GLB1L2: variants seen among roughly 807,000 people sequenced by gnomAD.
GLB1L2 encodes beta-galactosidase-1-like protein 2.
Under a neutral mutation model 84.1 loss-of-function variants are expected in GLB1L2, and 68 were observed. That is an observed-to-expected ratio of 0.81 (90% CI 0.67 to 0.99). GLB1L2 has a LOEUF of 0.99. GLB1L2 is among the 50% of genes least tolerant of loss of function. The pLI, the probability that GLB1L2 is intolerant of heterozygous loss-of-function variation, is 0.00. For synonymous variants in GLB1L2, 290 were observed against 318.0 expected, an observed-to-expected ratio of 0.91 and a Z score of 0.94; for missense variants, 762 against 805.6, an observed-to-expected ratio of 0.95 and a Z score of 0.66.
intron 7 of GLB1L2, among the ~76,000 whole-genome samples, chr11:134,362,410 T>C (rs111369432): frequency 7.2e-5 from 11 of 152,326 alleles, no homozygotes; most frequent in African/African-American, 2.6e-4. Context: ...GGGGATGCTC[T>C]GGATCAGCCG....
intron 6 of GLB1L2, 93 bp downstream of exon 6, chr11:134,356,486 A>G: frequency 1.2e-6 from 1 of 812,354 alleles, no homozygotes. Context: ...TTTTTCTCAT[A>G]TTAATACATC....
At chr11:134,346,182 C>T (rs530902459) in intron 4 of GLB1L2, among the ~76,000 whole-genome samples, 4 of 152,254 alleles carry the variant, frequency 2.6e-5, no homozygotes, top group Admixed American at 1.3e-4. Context: ...GCCCTTCCCT[C>T]GGGGGCATAG....
intron 5 of GLB1L2, 38 bp downstream of exon 5, chr11:134,347,471 C>A: frequency 1.4e-6 from 2 of 1,409,152 alleles, no homozygotes; most frequent in Non-Finnish European, 2.0e-6. Context: ...CTTGGTCTGT[C>A]TTCCTCTAGG....
At chr11:134,363,316 T>C (rs1198309841) in intron 7 of GLB1L2, among the ~76,000 whole-genome samples, 2 of 152,236 alleles carry the variant, frequency 1.3e-5, no homozygotes, top group African/African-American at 4.8e-5. Flanking sequence ...GCCCCAGCTG[T>C]CGCTTGCGTT....
At chr11:134,360,877 C>G (rs1045289585) in intron 7 of GLB1L2, 4 of 152,226 alleles carry the variant, frequency 2.6e-5, no homozygotes, top group Admixed American at 1.3e-4. Flanking sequence ...GCCTATTGGC[C>G]GGGCAGTGGC....
chr11:134,359,886 T>C (rs994063057), intron 7 of GLB1L2: 2 of 152,368 alleles, frequency 1.3e-5, no homozygotes, highest in African/African-American at 2.4e-5. Context: ...GCTTTGCTCT[T>C]CTTCCAGAGA....
chr11:134,361,642 T>C (rs1237811060), intron 7 of GLB1L2: 1 of 152,398 alleles, frequency 6.6e-6, no homozygotes, highest in Non-Finnish European at 1.5e-5. Flanking sequence ...TTGCCAGAGA[T>C]GTCGCAGATG....
intron 6 of GLB1L2, among the ~76,000 whole-genome samples, chr11:134,357,458 G>A (rs879261983): frequency 2.0e-5 from 3 of 152,242 alleles, no homozygotes; most frequent in Admixed American, 2.0e-4. Flanking sequence ...GCCACGGCCT[G>A]GAGTAGGGCA....
Position 134,375,221 on chromosome 11 carries a change from A to G in GLB1L2, c.*163A>G. 1.7e-6 allele frequency: 1 copy of G among 587,346 alleles called. No homozygotes were observed. The highest frequency in any genetic ancestry group is 3.0e-6 in the Non-Finnish European group (1 of 331,846). The allele number at this position is 587,346 out of a possible 1,614,324, so 36.4% of individuals were successfully genotyped here. A position where few individuals can be genotyped will look rare whatever the true frequency, so the allele number is the denominator to read the frequency against. On this transcript the variant is annotated 3_prime_UTR_variant, in exon 19 of 19. Coordinates refer to ENST00000535456, the MANE Select transcript of GLB1L2 (RefSeq NM_001370461.1). ...TGCCCCTGTCTCAGCTCAAAACCCT[A>G]AGCCTGCAGGGAAAGGTGGGATGGC... is the stretch of plus-strand genomic sequence containing the variant.
chr11:134,349,320 C>T lies in GLB1L2; in HGVS notation c.558+1887C>T, dbSNP rs1007922073. Among the ~76,000 whole-genome samples, 9 of 152,300 alleles carry T rather than the reference C, an allele frequency of 5.9e-5. No homozygotes were observed. The East Asian group carries it at 1.3e-3, about 23-fold the overall frequency. On this transcript the variant is annotated intron_variant, in intron 5 of 18. Coordinates refer to ENST00000535456, the MANE Select transcript of GLB1L2 (RefSeq NM_001370461.1). Reference sequence around the variant, plus strand: ...TATGTTCCATTGCATGTATATAACACGTTTGTTTATCCTTCATCCATTGAC... The same window carrying T: ...TATGTTCCATTGCATGTATATAACATGTTTGTTTATCCTTCATCCATTGAC...
At chr11:134,374,510 C>G in intron 17 of GLB1L2, 92 bp from the exon 18 acceptor site, 1 of 1,031,664 alleles carries the variant, frequency 9.7e-7, no homozygotes, top group Non-Finnish European at 1.5e-6. Context: ...TCGCTTTGGT[C>G]TCCTGGACCT....
chr11:134,361,840 T>C (rs1943794807), intron 7 of GLB1L2, among the ~76,000 whole-genome samples: 1 of 152,140 alleles, frequency 6.6e-6, no homozygotes, highest in Non-Finnish European at 1.5e-5. Flanking sequence ...GCTCCGTGGC[T>C]TCCCGGCACC....
chr11:134,364,022 C>T (rs1305198706), intron 7 of GLB1L2, among the ~76,000 whole-genome samples: 3 of 152,190 alleles, frequency 2.0e-5, no homozygotes, highest in African/African-American at 7.2e-5. Flanking sequence ...GGATTACAGG[C>T]ATGCACCACC....
intron 4 of GLB1L2, chr11:134,346,696 G>T (rs1943556474): frequency 6.6e-6 from 1 of 152,644 alleles, no homozygotes; most frequent in Non-Finnish European, 1.5e-5. Flanking sequence ...AGAACCTGAA[G>T]TGAGAAGGAA....
At position 134,356,011 on chromosome 11, in the gene GLB1L2, T is replaced by C. The variant is rs1257701743; in HGVS notation, c.559-290T>C. On this transcript the variant is annotated intron_variant, in intron 5 of 18. Coordinates refer to ENST00000535456, the MANE Select transcript of GLB1L2 (RefSeq NM_001370461.1). The stretch of plus-strand genomic sequence containing the variant: ...GAAAACATCATACAATTTTGTACCA[T>C]TTTGCATATGACTTTTTGTTTTGAT... 3 of 556,282 alleles carry C rather than the reference T, an allele frequency of 5.4e-6. No homozygotes were observed. The East Asian group carries it at 1.3e-4, about 24-fold the overall frequency. 34.5% of individuals were successfully genotyped at this position (556,282 alleles called of 1,614,324 possible). A position where few individuals can be genotyped will look rare whatever the true frequency, so the allele number is the denominator to read the frequency against.
chr11:134,375,308 G>C lies in GLB1L2; in HGVS notation c.*250G>C. The C allele has an allele frequency of 2.1e-6, 1 of 474,112 alleles. No individual in the cohort carries two copies. Among genetic ancestry groups the C allele is most frequent in the South Asian group, 3.2e-5 (1 of 31,170 alleles). 29.4% of individuals were successfully genotyped at this position (474,112 alleles called of 1,614,324 possible). On this transcript the variant is annotated 3_prime_UTR_variant, in exon 19 of 19. Coordinates refer to ENST00000535456, the MANE Select transcript of GLB1L2 (RefSeq NM_001370461.1). ...GCCCTGCTCTTGTGCCGAGGCTGTCGGGCTGTCTCTAGGGTGGGAGCAGCT... is the reference window on the plus strand; with the variant it reads ...GCCCTGCTCTTGTGCCGAGGCTGTCCGGCTGTCTCTAGGGTGGGAGCAGCT...
In GLB1L2 at chr11:134,359,046, C is replaced by T; in HGVS notation, c.652-14C>T. ...AGCCAGGGCAGACGAGGGCTTGTCTCATTTCCCCCACAGGCACTGGAGGAC... is the reference window on the plus strand; with the variant it reads ...AGCCAGGGCAGACGAGGGCTTGTCTTATTTCCCCCACAGGCACTGGAGGAC... On this transcript the variant is annotated splice_polypyrimidine_tract_variant and intron_variant, in intron 6 of 18. Transcript: ENST00000535456. The T allele has an allele frequency of 6.4e-7, 1 of 1,572,822 alleles. No individual in the cohort carries two copies. The highest frequency in any genetic ancestry group is 1.7e-4 in the Middle Eastern group (1 of 5,906).
rs886877486 is a variant in GLB1L2 at position 134,339,633 on chromosome 11, A to G, written c.87-3121A>G. Among the ~76,000 whole-genome samples the G allele has an allele frequency of 1.3e-5, 2 of 152,078 alleles. No homozygotes were observed. Among genetic ancestry groups the G allele is most frequent in the African/African-American group, 4.8e-5 (2 of 41,416 alleles). On this transcript the variant is annotated intron_variant, in intron 1 of 18. Coordinates refer to ENST00000535456, the MANE Select transcript of GLB1L2 (RefSeq NM_001370461.1). The surrounding 1 kb of genome is among the most constrained non-coding windows in gnomAD (Gnocchi z 5.7). ...CTGAGAAGAACGTTTCATTCTAAAA[A>G]TATAGAAAATGGTGTGTTATAAAGA...
rs1591609269 is a variant in GLB1L2, at chr11:134,338,420, G to A, written c.87-4334G>A. 6.6e-6 allele frequency among the ~76,000 whole-genome samples: 1 copy of A among 152,162 alleles called. No individual in the cohort carries two copies. Among genetic ancestry groups the A allele is most frequent in the Non-Finnish European group, 1.5e-5 (1 of 68,026 alleles). ...CCAGCCGCCCTGCAAGATCCCCTCTGAAACTTGACAGCCAGTCCCATTCCC... is the reference window on the plus strand; with the variant it reads ...CCAGCCGCCCTGCAAGATCCCCTCTAAAACTTGACAGCCAGTCCCATTCCC... On this transcript the variant is annotated intron_variant, in intron 1 of 18. Coordinates refer to ENST00000535456, the MANE Select transcript of GLB1L2 (RefSeq NM_001370461.1). This position sits in a 1 kb window ranked among gnomAD's most constrained non-coding sequence, Gnocchi z 6.2.
Sources: gnomAD v4.1 joint callset for allele counts (sites outside exome capture counted in the v4.1 genomes callset) on GRCh38, gnomAD v4.1.1 for gene constraint, Gnocchi (gnomAD v3.1) non-coding constraint, MANE v1.5 for transcripts, NCBI Gene and HGNC (gene_info 2026-07-23, HGNC 2026-07-21) for gene names.